The following MSRA variants were observed in gnomAD, a reference collection of about 807,000 sequenced individuals.
The protein encoded by MSRA is mitochondrial peptide methionine sulfoxide reductase.
MSRA carries 54 observed loss-of-function variants against 31.3 expected under a neutral mutation model. That is an observed-to-expected ratio of 1.73 (90% confidence interval 1.39 to 2.17). The LOEUF is 2.17. Ranked by LOEUF, MSRA falls within the 30% of genes most tolerant of loss-of-function variation. The pLI is 0.00. For missense variants in MSRA, 507 were observed against 300.9 expected (o/e 1.69, Z -5.07); for synonymous variants, 169 against 116.5 (o/e 1.45, Z -2.90).
rs138913904 is a variant in MSRA, at chr8:10,415,646, C to G, written c.544-12502C>G. ...CCAGGGTCCCATCTGCTGGGTCGCC[C>G]TCACCCTGGCCTAGCCCACCTTTCC... On this transcript the variant is annotated intron_variant, in intron 5 of 5. Coordinates refer to ENST00000317173, the MANE Select transcript of MSRA (RefSeq NM_012331.5). Among the ~76,000 whole-genome samples the G allele has an allele frequency of 1.2e-4, 18 of 152,242 alleles. No homozygotes were observed. The East Asian group carries it at 1.4e-3, about 11-fold the overall frequency.
At chr8:10,339,667 G>A (rs996286478) in intron 5 of MSRA, among the ~76,000 whole-genome samples, 1 of 148,242 alleles carries the variant, frequency 6.7e-6, no homozygotes, top group South Asian at 2.2e-4. Context: ...TCAGCCTCCC[G>A]ACTAGGTGGG....
intron 5 of MSRA, among the ~76,000 whole-genome samples, chr8:10,417,841 G>T (rs1470927284): frequency 6.7e-6 from 1 of 149,014 alleles, no homozygotes; most frequent in Non-Finnish European, 1.5e-5. Flanking sequence ...TGGAGTGGAT[G>T]TGGAGGGAAT....
intron 1 of MSRA, among the ~76,000 whole-genome samples, chr8:10,195,705 C>T (rs1014796371): frequency 5.3e-5 from 8 of 152,194 alleles, no homozygotes; most frequent in African/African-American, 1.7e-4. Flanking sequence ...ACAATGATTC[C>T]TCTTTTCTTC....
intron 5 of MSRA, among the ~76,000 whole-genome samples, chr8:10,414,261 G>T (rs1393535774): frequency 6.6e-6 from 1 of 152,298 alleles, no homozygotes; most frequent in African/African-American, 2.4e-5. Context: ...AAAAGGCTCT[G>T]GAAGACACAG....
chr8:10,071,600 T>A (rs775734365), intron 1 of MSRA, among the ~76,000 whole-genome samples: 2 of 152,152 alleles, frequency 1.3e-5, no homozygotes, highest in Non-Finnish European at 2.9e-5. Flanking sequence ...TCCTGGAGAT[T>A]TTTTCCTATG....
intron 5 of MSRA, among the ~76,000 whole-genome samples, chr8:10,416,075 C>T (rs1211120684): frequency 6.6e-6 from 1 of 152,102 alleles, no homozygotes; most frequent in Non-Finnish European, 1.5e-5. Context: ...GAGGGAACTT[C>T]TCCTGCCTGA....
At position 10,297,244 on chromosome 8, in the gene MSRA, C is replaced by A. The variant is rs139194752; in HGVS notation, c.332-4290C>A. ...AAGGAATGGCTGCCTTTAATCAACC[C>A]CTCTCCATTTGTTCATCTTCCTCTG... On this transcript the variant is annotated intron_variant, in intron 3 of 5. Coordinates refer to ENST00000317173, the MANE Select transcript of MSRA (RefSeq NM_012331.5). Among the ~76,000 whole-genome samples the A allele has an allele frequency of 6.0e-3, 917 of 152,218 alleles. 9 individuals carry two copies. Among genetic ancestry groups the A allele is most frequent in the African/African-American group, 0.021 (888 of 41,512 alleles).
At chr8:10,332,451 T>TACCCC (rs1554529516) in intron 5 of MSRA, among the ~76,000 whole-genome samples, 1 of 146,510 alleles carries the variant, frequency 6.8e-6, no homozygotes, top group African/African-American at 2.5e-5. Context: ...AAAAGAAAAA[T>TACCCC]CCCCCCTCCC....
intron 3 of MSRA, among the ~76,000 whole-genome samples, chr8:10,255,157 A>G (rs915060189): frequency 2.0e-5 from 3 of 152,224 alleles, no homozygotes; most frequent in Admixed American, 1.3e-4. Context: ...GCAGTTGAGG[A>G]CTAGGGCCAA....
chr8:10,160,507 A>C (rs1007708985), intron 1 of MSRA, among the ~76,000 whole-genome samples: 1 of 151,974 alleles, frequency 6.6e-6, no homozygotes, highest in Admixed American at 6.6e-5. Flanking sequence ...AAAAAAAAAA[A>C]ATCTATATAG....
At chr8:10,142,647 C>G (rs1802813257) in intron 1 of MSRA, among the ~76,000 whole-genome samples, 2 of 152,182 alleles carry the variant, frequency 1.3e-5, no homozygotes, top group South Asian at 4.1e-4. Context: ...AGGTTATTTA[C>G]AACTCTGACT....
intron 1 of MSRA, among the ~76,000 whole-genome samples, chr8:10,130,135 C>T (rs956379333): frequency 1.3e-5 from 2 of 152,178 alleles, no homozygotes; most frequent in Non-Finnish European, 2.9e-5. Context: ...GCTAAACATT[C>T]ATCAGACTGT....
intron 4 of MSRA, among the ~76,000 whole-genome samples, chr8:10,303,741 T>C (rs1800973688): frequency 6.6e-6 from 1 of 152,132 alleles, no homozygotes; most frequent in South Asian, 2.1e-4. Context: ...CAGGGGATGA[T>C]GGTTAGTTAA....
At chr8:10,116,802 T>C (rs895560330) in intron 1 of MSRA, among the ~76,000 whole-genome samples, 6 of 152,222 alleles carry the variant, frequency 3.9e-5, no homozygotes, top group East Asian at 3.9e-4. Context: ...GCCCCGTCTC[T>C]ACTAAAAATA....
At chr8:10,182,282 A>G (rs1447388417) in intron 1 of MSRA, among the ~76,000 whole-genome samples, 1 of 152,252 alleles carries the variant, frequency 6.6e-6, no homozygotes, top group East Asian at 1.9e-4. Flanking sequence ...CAGGCTGTTA[A>G]GGCCAAGAGT....
chr8:10,134,675 G>A (rs944012572), intron 1 of MSRA, among the ~76,000 whole-genome samples: 1 of 152,228 alleles, frequency 6.6e-6, no homozygotes, highest in East Asian at 1.9e-4. Flanking sequence ...CGGAAGCCTG[G>A]TGGTGACAGG....
chr8:10,119,786 G>A (rs1800972247), intron 1 of MSRA, among the ~76,000 whole-genome samples: 1 of 152,142 alleles, frequency 6.6e-6, no homozygotes, highest in Middle Eastern at 3.2e-3. Context: ...TATCTCTCTG[G>A]TGTACAAAGG....
In MSRA at chr8:10,428,652, C is replaced by G. The variant is rs772133716; in HGVS notation, c.*340C>G. On this transcript the variant is annotated 3_prime_UTR_variant, in exon 6 of 6. Coordinates refer to ENST00000317173, the MANE Select transcript of MSRA (RefSeq NM_012331.5). Reference sequence around the variant, plus strand: ...GACAGGATGGGGGACCCCAGAAGTCCTTTATCTGTGCTCTCTGCCCGCCAG... The same window carrying G: ...GACAGGATGGGGGACCCCAGAAGTCGTTTATCTGTGCTCTCTGCCCGCCAG... 3.4e-6 allele frequency: 1 copy of G among 293,232 alleles called. No homozygotes were observed. Among genetic ancestry groups the G allele is most frequent in the South Asian group, 3.7e-5 (1 of 26,910 alleles). The allele number at this position is 293,232 out of a possible 1,614,324, so 18.2% of individuals were successfully genotyped here. A position where few individuals can be genotyped will look rare whatever the true frequency, so the allele number is the denominator to read the frequency against.
At chr8:10,286,804 G>A (rs2129112112) in intron 3 of MSRA, among the ~76,000 whole-genome samples, 1 of 152,322 alleles carries the variant, frequency 6.6e-6, no homozygotes, top group Admixed American at 6.5e-5. Flanking sequence ...CTGTCCAGCT[G>A]GGACAGAGAG....
Sources: allele counts gnomAD v4.1 joint callset (sites outside exome capture counted in the v4.1 genomes callset), GRCh38; gene constraint gnomAD v4.1.1; transcripts MANE v1.5; gene names NCBI Gene and HGNC (gene_info 2026-07-23, HGNC 2026-07-21).